Variants in MED24 observed in about 807,000 individuals in gnomAD.
The protein encoded by MED24 is mediator of RNA polymerase II transcription subunit 24.
Under a neutral mutation model 118.8 loss-of-function variants are expected in MED24, and 74 were observed. The ratio of observed to expected loss-of-function variants is 0.62; its 90% CI spans 0.52 to 0.76. MED24 has a LOEUF of 0.76. MED24 is among the 30% of genes least tolerant of loss of function. The pLI is 0.00. For synonymous variants in MED24, 521 were observed against 523.9 expected, an observed-to-expected ratio of 0.99 and a Z score of 0.08; for missense variants, 1,041 against 1,278.9, an observed-to-expected ratio of 0.81 and a Z score of 2.84.
At position 40,026,253 on chromosome 17, in the gene MED24, T is replaced by C. The variant is rs1472420036; in HGVS notation, c.1888A>G (p.Met630Val). The change falls in exon 19 of 26, where the codon ATG (methionine) becomes GTG (valine). Residue 630 changes from methionine to valine, a missense_variant. Physicochemically the swap from Met to Val is conservative, Grantham distance 21 (BLOSUM62 1). Transcript: ENST00000394128. ...AVAWLVAHVR[M>V]LGLDEREKSL... Reference sequence around the variant, plus strand: ...TTCTCACGCTCATCCAGCCCCAGCATCCGGACGTGGGCCACAAGCCAAGCC... The same window carrying C: ...TTCTCACGCTCATCCAGCCCCAGCACCCGGACGTGGGCCACAAGCCAAGCC... The C allele has an allele frequency of 6.2e-7, 1 of 1,614,014 alleles. No individual in the cohort carries two copies. The highest frequency in any genetic ancestry group is 1.3e-5 in the African/African-American group (1 of 74,924).
At chr17:40,031,847 C>T (rs536422146) in intron 10 of MED24, among the ~76,000 whole-genome samples, 196 bp downstream of exon 10, 1 of 152,188 alleles carries the variant, frequency 6.6e-6, no homozygotes, top group African/African-American at 2.4e-5. Flanking sequence ...GAAGCACGCA[C>T]ACACTGAAGC....
Position 40,022,633 on chromosome 17 carries a change from A to G in MED24, c.2432+12T>C. ...GTGGCCGGAGCAGGGCAAGCTCTGA[A>G]GAGAATCTTACTTGGCAAGAGCAGT... On this transcript the variant is annotated intron_variant, in intron 21 of 25. Transcript: ENST00000394128. 6.2e-7 allele frequency: 1 copy of G among 1,612,632 alleles called. No homozygotes were observed. The highest frequency in any genetic ancestry group is 8.5e-7 in the Non-Finnish European group (1 of 1,179,638).
At chr17:40,020,459 T>A in intron 23 of MED24, 106 bp from the exon 24 acceptor site, 1 of 1,543,976 alleles carries the variant, frequency 6.5e-7, no homozygotes, top group Non-Finnish European at 8.8e-7. Flanking sequence ...AGGTAACTGG[T>A]ACATGGAGAG....
intron 3 of MED24, among the ~76,000 whole-genome samples, chr17:40,046,665 G>A (rs945610646): frequency 6.6e-6 from 1 of 150,618 alleles, no homozygotes; most frequent in Admixed American, 6.6e-5. Flanking sequence ...AGAATGGCGT[G>A]AACCCGGGAG....
intron 16 of MED24, 132 bp from the exon 17 acceptor site, chr17:40,027,166 T>C (rs1255256706): frequency 1.6e-6 from 2 of 1,248,662 alleles, no homozygotes; most frequent in Admixed American, 2.5e-5. Flanking sequence ...CGAACTGGTC[T>C]AAGGGAGCCA....
intron 3 of MED24, among the ~76,000 whole-genome samples, chr17:40,041,976 C>T (rs1180174082): frequency 6.6e-6 from 1 of 152,102 alleles, no homozygotes; most frequent in East Asian, 1.9e-4. Context: ...TGGGCTATAC[C>T]TATTTTTGAG....
chr17:40,028,939 C>A lies in MED24; in HGVS notation c.1296G>T (p.Pro432=), dbSNP rs146489775. 1 of 1,614,088 alleles carries A rather than the reference C, an allele frequency of 6.2e-7. No individual in the cohort carries two copies. The highest frequency in any genetic ancestry group is 2.2e-5 in the East Asian group (1 of 44,902). Residue 432 remains proline (P), a synonymous_variant, in exon 14 of 26, where the codon CCG becomes CCT. Transcript: ENST00000394128. ...KTMDADHSKS[P]EGLLGVLGHM... is the part of the protein sequence containing the mutation. Reference sequence around the variant, plus strand: ...GGCCCAGGACTCCCAGCAGTCCCTCCGGTGACTTAGAGTGGTCTGCATCCA... The same window carrying A: ...GGCCCAGGACTCCCAGCAGTCCCTCAGGTGACTTAGAGTGGTCTGCATCCA...
chr17:40,032,327 A>G (rs1983486616), intron 9 of MED24: 1 of 579,644 alleles, frequency 1.7e-6, no homozygotes, highest in Non-Finnish European at 3.0e-6. Context: ...CAACAGAAAA[A>G]GATGCCATAA....
chr17:40,029,674 A>AT, intron 13 of MED24, 74 bp downstream of exon 13: 1 of 1,405,922 alleles, frequency 7.1e-7, no homozygotes, highest in Middle Eastern at 1.8e-4. Context: ...GCCTCTGTTT[A>AT]TTTATCTGCA....
At chr17:40,019,679 G>A (rs199699229) in intron 25 of MED24, 34 bp from the exon 26 acceptor site, 17 of 1,579,494 alleles carry the variant, frequency 1.1e-5, no homozygotes, top group Middle Eastern at 1.7e-4. Flanking sequence ...CTTGCGGGAC[G>A]GCTGGTGGTG....
At chr17:40,020,250 G>A (rs748662451) in intron 24 of MED24, 23 bp downstream of exon 24, 13 of 1,494,600 alleles carry the variant, frequency 8.7e-6, no homozygotes, top group East Asian at 2.4e-5. Context: ...CCCCAGGTTC[G>A]GCAGCAGGGG....
At chr17:40,030,096 G>A (rs1288649579) in intron 12 of MED24, among the ~76,000 whole-genome samples, 2 of 152,144 alleles carry the variant, frequency 1.3e-5, no homozygotes, top group South Asian at 2.1e-4. Context: ...ACAGTGGCAC[G>A]ATCTCGGCTC....
At chr17:40,047,723 T>C (rs907943028) in intron 3 of MED24, among the ~76,000 whole-genome samples, 2 of 151,602 alleles carry the variant, frequency 1.3e-5, no homozygotes, top group African/African-American at 4.8e-5. Flanking sequence ...CCTGACTGAA[T>C]TGATCTTAAG....
At chr17:40,045,690 G>A (rs1185113509) in intron 3 of MED24, among the ~76,000 whole-genome samples, 2 of 151,536 alleles carry the variant, frequency 1.3e-5, no homozygotes, top group Admixed American at 6.6e-5. Flanking sequence ...GCAGGAGGAT[G>A]GCTTGAGCCA....
intron 12 of MED24, 127 bp from the exon 13 acceptor site, chr17:40,029,986 T>C (rs1415648997): frequency 1.3e-6 from 1 of 746,638 alleles, no homozygotes; most frequent in Non-Finnish European, 2.3e-6. Context: ...CCTCCGAGGT[T>C]GGGGTGAAGT....
intron 14 of MED24, 72 bp from the exon 15 acceptor site, chr17:40,028,018 A>G (rs1982906536): frequency 1.6e-5 from 23 of 1,458,182 alleles, no homozygotes; most frequent in Non-Finnish European, 2.1e-5. Flanking sequence ...GGGGCTACAC[A>G]TGTTCAGAGA....
At chr17:40,023,062 G>A in intron 20 of MED24, 69 bp downstream of exon 20, 1 of 1,545,806 alleles carries the variant, frequency 6.5e-7, no homozygotes, top group Non-Finnish European at 8.8e-7. Context: ...AAGCCTGGCA[G>A]ACCAGGCCAG....
chr17:40,045,618 C>T (rs2144973991), intron 3 of MED24, among the ~76,000 whole-genome samples: 1 of 152,236 alleles, frequency 6.6e-6, no homozygotes, highest in South Asian at 2.1e-4. Flanking sequence ...AACCGTGTCT[C>T]TACACAAAAT....
intron 23 of MED24, 103 bp from the exon 24 acceptor site, chr17:40,020,456 T>C: frequency 6.5e-7 from 1 of 1,545,066 alleles, no homozygotes; most frequent in Non-Finnish European, 8.7e-7. Context: ...CGGAGGTAAC[T>C]GGTACATGGA....
Sources: gnomAD v4.1 joint callset for allele counts (sites outside exome capture counted in the v4.1 genomes callset) on GRCh38, gnomAD v4.1.1 for gene constraint, MANE v1.5 for transcripts, NCBI Gene and HGNC (gene_info 2026-07-23, HGNC 2026-07-21) for gene names.